Variants in CFAP57 observed in about 807,000 individuals in gnomAD.
CFAP57 encodes the protein cilia- and flagella-associated protein 57.
CFAP57 carries 116 observed loss-of-function variants against 146.8 expected under a neutral mutation model. The ratio of observed to expected loss-of-function variants is 0.79; its 90% confidence interval spans 0.68 to 0.92. The LOEUF (loss-of-function observed/expected upper bound fraction) is 0.92. Among genes scored for constraint, CFAP57 ranks in the 40% least tolerant of loss-of-function variants. CFAP57 has a pLI of 0.00. For synonymous variants in CFAP57, 518 were observed against 552.8 expected (o/e 0.94, Z 0.88); for missense variants, 1,377 against 1,527.2 (o/e 0.90, Z 1.64).
Position 43,198,540 on chromosome 1 carries a change from C to T in CFAP57, c.1322C>T (p.Ser441Phe), listed in dbSNP as rs1372934817. Residue 441 changes from serine (S) to phenylalanine (F), a missense_variant, in exon 8 of 23, where the codon TCT becomes TTT. Coordinates refer to ENST00000372492, the MANE Select transcript of CFAP57 (RefSeq NM_001378189.1). ...EEAYSISLHP[S>F]GHFIVVGFAD... ...GCATATTCCATCAGCCTTCATCCATCTGGACACTTCATTGTAGTAGGGTTT... is the reference window on the plus strand; with the variant it reads ...GCATATTCCATCAGCCTTCATCCATTTGGACACTTCATTGTAGTAGGGTTT... 1 of 1,614,044 alleles carries T rather than the reference C, an allele frequency of 6.2e-7. No homozygotes were observed. The highest frequency in any genetic ancestry group is 1.7e-5 in the Admixed American group (1 of 60,006).
chr1:43,245,435 G>A (rs765202816), intron 22 of CFAP57, among the ~76,000 whole-genome samples: 1 of 151,938 alleles, frequency 6.6e-6, no homozygotes, highest in Non-Finnish European at 1.5e-5. Flanking sequence ...TTACTATCTT[G>A]GAGATTTCCA....
chr1:43,172,481 G>A, intron 1 of CFAP57, 28 bp downstream of exon 1: 2 of 1,531,294 alleles, frequency 1.3e-6, no homozygotes, highest in African/African-American at 1.4e-5. Flanking sequence ...GGGGTCGCCA[G>A]AAGGAGCTGG....
intron 17 of CFAP57, 107 bp from the exon 18 acceptor site, chr1:43,226,876 A>G: frequency 7.8e-7 from 1 of 1,280,256 alleles, no homozygotes; most frequent in Middle Eastern, 1.9e-4. Context: ...CTCCTGGTTG[A>G]CCTCTTCAAC....
chr1:43,217,275 G>T (rs1308499738), intron 12 of CFAP57, among the ~76,000 whole-genome samples: 1 of 152,132 alleles, frequency 6.6e-6, no homozygotes, highest in Non-Finnish European at 1.5e-5. Context: ...TTTAAGCTGG[G>T]GAATGACTTA....
At chr1:43,224,838 C>G (rs879600822) in intron 17 of CFAP57, among the ~76,000 whole-genome samples, 7 of 152,170 alleles carry the variant, frequency 4.6e-5, no homozygotes, top group Non-Finnish European at 8.8e-5. Flanking sequence ...CTCCAAGGGC[C>G]AAGGACGTGG....
intron 9 of CFAP57, among the ~76,000 whole-genome samples, chr1:43,204,398 T>C (rs1644269969): frequency 6.6e-6 from 1 of 151,706 alleles, no homozygotes; most frequent in African/African-American, 2.4e-5. Flanking sequence ...GTTACACTCT[T>C]TTTGTTTGTT....
chr1:43,182,938 T>C (rs1478953287), intron 3 of CFAP57, among the ~76,000 whole-genome samples: 1 of 152,238 alleles, frequency 6.6e-6, no homozygotes, highest in Non-Finnish European at 1.5e-5. Context: ...ACAAGAGTGA[T>C]ATGCACTCAG....
At chr1:43,191,360 G>A (rs578094320) in intron 6 of CFAP57, among the ~76,000 whole-genome samples, 2 of 152,260 alleles carry the variant, frequency 1.3e-5, no homozygotes, top group African/African-American at 4.8e-5. Context: ...GGCTGAGCCA[G>A]GCAGGTCACG....
chr1:43,207,812 C>A (rs1644421079), intron 10 of CFAP57, among the ~76,000 whole-genome samples: 5 of 152,328 alleles, frequency 3.3e-5, no homozygotes, highest in African/African-American at 2.4e-5. Flanking sequence ...TGCGTAGATA[C>A]CACGGCAGCA....
At chr1:43,180,223 TTATA>T (rs1289107795) in intron 2 of CFAP57, among the ~76,000 whole-genome samples, 1 of 137,400 alleles carries the variant, frequency 7.3e-6, no homozygotes, top group African/African-American at 2.8e-5. Flanking sequence ...TATATATATT[TTATA>T]TATATATATA....
chr1:43,199,618 T>C, intron 9 of CFAP57, 115 bp downstream of exon 9: 1 of 909,582 alleles, frequency 1.1e-6, no homozygotes, highest in Middle Eastern at 3.2e-4. Flanking sequence ...GGGTTCACTG[T>C]CTACTTGGGG....
intron 9 of CFAP57, among the ~76,000 whole-genome samples, chr1:43,199,937 G>A (rs1235669174): frequency 3.3e-5 from 5 of 152,202 alleles, no homozygotes; most frequent in African/African-American, 1.2e-4. Flanking sequence ...GGCTGAGATT[G>A]GAGAGGTCAC....
At chr1:43,202,070 C>T (rs1644148889) in intron 9 of CFAP57, among the ~76,000 whole-genome samples, 1 of 152,180 alleles carries the variant, frequency 6.6e-6, no homozygotes, top group Non-Finnish European at 1.5e-5. Flanking sequence ...CATCACTTTA[C>T]AAGTACTTAA....
rs149944058 is a variant in CFAP57, at chr1:43,251,663, G to C, written c.3539-2314G>C. ...GAAACACAAATTATTGTATGGAAAA[G>C]AGAAATGAATCATTGTATACTACAT... On this transcript the variant is annotated intron_variant, in intron 22 of 22. Coordinates refer to ENST00000372492, the MANE Select transcript of CFAP57 (RefSeq NM_001378189.1). Among the ~76,000 whole-genome samples, 401 of 152,342 alleles carry C rather than the reference G, an allele frequency of 2.6e-3. 2 individuals are homozygous for C. The highest frequency in any genetic ancestry group is 0.014 in the South Asian group (69 of 4,832).
Position 43,236,618 on chromosome 1 carries a change from G to C in CFAP57, c.3405+1980G>C, listed in dbSNP as rs1272798161. Among the ~76,000 whole-genome samples the C allele has an allele frequency of 8.7e-5, 4 of 45,800 alleles. No homozygotes were observed. In the South Asian group the frequency reaches 3.5e-3, roughly 40 times the overall value. 30.0% of individuals were successfully genotyped at this position (45,800 alleles called of 152,430 possible). A position where few individuals can be genotyped will look rare whatever the true frequency, so the allele number is the denominator to read the frequency against. On this transcript the variant is annotated intron_variant, in intron 21 of 22. Coordinates refer to ENST00000372492, the MANE Select transcript of CFAP57 (RefSeq NM_001378189.1). ...AAAAAAAAAAAAAAAAAAAAAAAAA[G>C]GCAATTTCCAGCCGGGCGCAGTGGC...
At chr1:43,176,978 G>A in intron 2 of CFAP57, 1 of 374,558 alleles carries the variant, frequency 2.7e-6, no homozygotes, top group Non-Finnish European at 5.3e-6. Flanking sequence ...AGAACCGGGG[G>A]GTGAGGAGCA....
At chr1:43,253,541 A>G (rs1646372146) in intron 22 of CFAP57, among the ~76,000 whole-genome samples, 1 of 152,186 alleles carries the variant, frequency 6.6e-6, no homozygotes, top group South Asian at 2.1e-4. Flanking sequence ...GGAACAAGGT[A>G]TGAGTGGACA....
At chr1:43,243,387 G>T (rs1265856200) in intron 22 of CFAP57, 28 bp downstream of exon 22, 21 of 1,498,254 alleles carry the variant, frequency 1.4e-5, no homozygotes, top group Non-Finnish European at 1.9e-5. Context: ...CAGGGGAGAT[G>T]GGCACTGGGA....
At chr1:43,185,925 G>GA (rs1044450866) in intron 5 of CFAP57, among the ~76,000 whole-genome samples, 15 of 147,926 alleles carry the variant, frequency 1.0e-4, no homozygotes, top group Admixed American at 4.7e-4. Flanking sequence ...CTCAAAAAAA[G>GA]AAAAAAAAAT....
Sources: gnomAD v4.1 joint callset for allele counts (sites outside exome capture counted in the v4.1 genomes callset) on GRCh38, gnomAD v4.1.1 for gene constraint, MANE v1.5 for transcripts, NCBI Gene and HGNC (gene_info 2026-07-23, HGNC 2026-07-21) for gene names.